LRRTM3: variants seen among roughly 807,000 people sequenced by gnomAD.
The protein encoded by LRRTM3 is leucine rich repeat transmembrane neuronal 3.
A neutral mutation model predicts 44.7 loss-of-function variants in LRRTM3; 24 were observed. The ratio of observed to expected loss-of-function variants is 0.54; its 90% CI spans 0.39 to 0.76. The LOEUF (loss-of-function observed/expected upper bound fraction) is 0.76. Among genes scored for constraint, LRRTM3 ranks in the 30% least tolerant of loss-of-function variants. The pLI is 0.00. For synonymous variants in LRRTM3, 277 were observed against 278.7 expected (o/e 0.99, Z 0.06); for missense variants, 587 against 702.2 (o/e 0.84, Z 1.85).
At chr10:67,021,828 A>G (rs1272324897) in intron 2 of LRRTM3, among the ~76,000 whole-genome samples, 1 of 152,208 alleles carries the variant, frequency 6.6e-6, no homozygotes, top group Non-Finnish European at 1.5e-5. Flanking sequence ...AGGAAGTACT[A>G]TAAAGGGAAA....
intron 2 of LRRTM3, among the ~76,000 whole-genome samples, chr10:67,010,831 G>T (rs1438344945): frequency 6.6e-6 from 1 of 152,126 alleles, no homozygotes; most frequent in Non-Finnish European, 1.5e-5. Context: ...AGCAGAGTTT[G>T]ACATATTTGT....
At chr10:66,951,688 T>C (rs1848548090) in intron 2 of LRRTM3, among the ~76,000 whole-genome samples, 1 of 152,210 alleles carries the variant, frequency 6.6e-6, no homozygotes, top group Admixed American at 6.5e-5. Flanking sequence ...CTGAATGTGA[T>C]TTATTTTTTT....
intron 2 of LRRTM3, among the ~76,000 whole-genome samples, chr10:66,997,787 TC>T (rs1851437688): frequency 6.6e-6 from 1 of 152,148 alleles, no homozygotes; most frequent in Admixed American, 6.6e-5. Context: ...TGTTGCTATT[TC>T]CTATTCTCTT....
chr10:66,940,520 A>C (rs568217339), intron 2 of LRRTM3, among the ~76,000 whole-genome samples: 11 of 152,320 alleles, frequency 7.2e-5, no homozygotes, highest in Middle Eastern at 3.4e-3. Context: ...ATGATGACTG[A>C]ATAAAAGAAG....
chr10:66,992,692 C>A (rs1365020029), intron 2 of LRRTM3, among the ~76,000 whole-genome samples: 1 of 152,038 alleles, frequency 6.6e-6, no homozygotes, highest in Non-Finnish European at 1.5e-5. Flanking sequence ...TTTTGTTGAT[C>A]ACATTTAAGT....
At position 67,055,547 on chromosome 10, in the gene LRRTM3, G is replaced by C. The variant is rs117935703; in HGVS notation, c.1537-42040G>C. ...AGGAGACAATGCCATTTGCAGGCTA[G>C]AAAGTTATGGAAAATTTTCTAAGCA... On this transcript the variant is annotated intron_variant, in intron 2 of 2. Coordinates refer to ENST00000361320, the MANE Select transcript of LRRTM3 (RefSeq NM_178011.5). Among the ~76,000 whole-genome samples the C allele has an allele frequency of 2.4e-3, 373 of 152,280 alleles. 4 individuals are homozygous for C. The highest frequency in any genetic ancestry group is 0.024 in the East Asian group (125 of 5,186).
chr10:67,089,082 C>T (rs1406019319), intron 2 of LRRTM3, among the ~76,000 whole-genome samples: 5 of 151,846 alleles, frequency 3.3e-5, no homozygotes, highest in Non-Finnish European at 7.4e-5. Flanking sequence ...GTACTACACA[C>T]CATTTTATAT....
intron 2 of LRRTM3, among the ~76,000 whole-genome samples, chr10:67,018,102 T>C (rs1057223805): frequency 6.6e-6 from 1 of 152,206 alleles, no homozygotes; most frequent in African/African-American, 2.4e-5. Context: ...ATATTTTAAC[T>C]TAAAATATAT....
intron 2 of LRRTM3, among the ~76,000 whole-genome samples, chr10:67,022,887 G>A (rs1009977384): frequency 2.6e-5 from 4 of 152,094 alleles, no homozygotes; most frequent in Admixed American, 6.5e-5. Context: ...GCAGTGAGCC[G>A]AGATCATGCC....
At chr10:66,968,192 T>C (rs1443140929) in intron 2 of LRRTM3, among the ~76,000 whole-genome samples, 1 of 152,008 alleles carries the variant, frequency 6.6e-6, no homozygotes, top group Non-Finnish European at 1.5e-5. Context: ...ATCTCTACCA[T>C]CATCAAATAA....
chr10:67,023,567 G>T (rs1473330996), intron 2 of LRRTM3, among the ~76,000 whole-genome samples: 1 of 152,122 alleles, frequency 6.6e-6, no homozygotes, highest in African/African-American at 2.4e-5. Context: ...CCCAAGCAAA[G>T]TCTAATGCTG....
intron 2 of LRRTM3, among the ~76,000 whole-genome samples, chr10:67,068,864 A>T (rs1564869286): frequency 6.6e-6 from 1 of 152,080 alleles, no homozygotes; most frequent in Non-Finnish European, 1.5e-5. Context: ...GTTCAAGACC[A>T]GCCTGGCCAA....
At chr10:66,997,882 A>C (rs1301370424) in intron 2 of LRRTM3, among the ~76,000 whole-genome samples, 1 of 152,096 alleles carries the variant, frequency 6.6e-6, no homozygotes, top group African/African-American at 2.4e-5. Flanking sequence ...CACACTCCTA[A>C]TTGGTGATTA....
chr10:66,976,141 A>G (rs1850016316), intron 2 of LRRTM3, among the ~76,000 whole-genome samples: 1 of 152,174 alleles, frequency 6.6e-6, no homozygotes, highest in Admixed American at 6.5e-5. Flanking sequence ...GCCTTTGTAA[A>G]ACATATGTTC....
chr10:66,957,443 C>CAT (rs1266828606), intron 2 of LRRTM3, among the ~76,000 whole-genome samples: 1 of 22,158 alleles, frequency 4.5e-5, no homozygotes, highest in Non-Finnish European at 8.7e-5. Context: ...TATATATATG[C>CAT]ATATATATAT....
intron 2 of LRRTM3, among the ~76,000 whole-genome samples, chr10:67,026,643 T>G (rs1564840299): frequency 6.6e-6 from 1 of 152,134 alleles, no homozygotes; most frequent in Non-Finnish European, 1.5e-5. Context: ...AAAAGGAGCT[T>G]AAACCCTGGG....
chr10:67,000,453 G>C (rs1851612260), intron 2 of LRRTM3, among the ~76,000 whole-genome samples: 1 of 152,138 alleles, frequency 6.6e-6, no homozygotes, highest in African/African-American at 2.4e-5. Context: ...TACCTAGTTA[G>C]TTCTATGAGA....
At chr10:67,038,982 A>G (rs1377691648) in intron 2 of LRRTM3, among the ~76,000 whole-genome samples, 1 of 152,106 alleles carries the variant, frequency 6.6e-6, no homozygotes, top group Non-Finnish European at 1.5e-5. Context: ...TTAATTTTTC[A>G]GGCATAATCA....
At chr10:66,995,185 TCTC>T (rs1307712559) in intron 2 of LRRTM3, among the ~76,000 whole-genome samples, 1 of 152,084 alleles carries the variant, frequency 6.6e-6, no homozygotes, top group African/African-American at 2.4e-5. Flanking sequence ...ATTTCCATAC[TCTC>T]CTCCTTTTGT....
Sources: allele counts gnomAD v4.1 joint callset (sites outside exome capture counted in the v4.1 genomes callset), GRCh38; gene constraint gnomAD v4.1.1; transcripts MANE v1.5; gene names NCBI Gene and HGNC (gene_info 2026-07-23, HGNC 2026-07-21).